Variants in THSD4 observed in about 807,000 individuals in gnomAD.
THSD4 encodes thrombospondin type 1 domain containing 4, also known as thrombospondin type-1 domain-containing protein 4.
THSD4 carries 69 observed loss-of-function variants against 119.0 expected under a neutral mutation model. The observed-to-expected ratio is 0.58, with a 90% CI of 0.48 to 0.71. The LOEUF (loss-of-function observed/expected upper bound fraction) is 0.71, where lower values mean the gene tolerates loss of function less well. Among genes scored for constraint, THSD4 ranks in the 30% least tolerant of loss-of-function variants. The pLI is 0.00. For missense variants in THSD4, 1,393 were observed against 1,391.1 expected, an observed-to-expected ratio of 1.00 and a Z score of -0.02; for synonymous variants, 524 against 540.4, an observed-to-expected ratio of 0.97 and a Z score of 0.42.
At chr15:71,461,952 T>C (rs1175861495) in intron 7 of THSD4, among the ~76,000 whole-genome samples, 3 of 152,078 alleles carry the variant, frequency 2.0e-5, no homozygotes, top group African/African-American at 7.2e-5. Context: ...GTGGCCAAGA[T>C]TGGCTGGCAT....
intron 1 of THSD4, among the ~76,000 whole-genome samples, chr15:71,116,348 G>C (rs576124341): frequency 6.6e-6 from 1 of 152,372 alleles, no homozygotes; most frequent in East Asian, 1.9e-4. Context: ...TGCACAGCGA[G>C]CTCACCTTGG....
At chr15:71,518,223 T>C (rs1294823871) in intron 7 of THSD4, among the ~76,000 whole-genome samples, 3 of 152,026 alleles carry the variant, frequency 2.0e-5, no homozygotes, top group Admixed American at 6.6e-5. Context: ...CCCCACCCCT[T>C]CCAAATGTAC....
At chr15:71,164,363 C>T (rs911478825) in intron 3 of THSD4, among the ~76,000 whole-genome samples, 2 of 144,274 alleles carry the variant, frequency 1.4e-5, no homozygotes, top group African/African-American at 5.2e-5. Context: ...AAAACAGCTG[C>T]AACTTTTTTT....
At chr15:71,523,874 G>A (rs1288821517) in intron 7 of THSD4, among the ~76,000 whole-genome samples, 2 of 150,414 alleles carry the variant, frequency 1.3e-5, no homozygotes, top group African/African-American at 4.9e-5. Context: ...TAGCTATTGT[G>A]TGAGGGGAAA....
chr15:71,379,448 T>C (rs1163099092), intron 6 of THSD4, among the ~76,000 whole-genome samples: 1 of 126,688 alleles, frequency 7.9e-6, no homozygotes, highest in African/African-American at 2.8e-5. Context: ...AGCAAATGGC[T>C]TCTTTTTTTT....
intron 7 of THSD4, among the ~76,000 whole-genome samples, chr15:71,645,084 A>G (rs745452774): frequency 1.6e-4 from 25 of 152,136 alleles, no homozygotes; most frequent in Non-Finnish European, 2.9e-4. Flanking sequence ...TCAATCATAT[A>G]CAGAATACAG....
intron 6 of THSD4, among the ~76,000 whole-genome samples, chr15:71,377,784 T>C (rs1265315777): frequency 2.0e-5 from 3 of 151,894 alleles, no homozygotes; most frequent in Non-Finnish European, 4.4e-5. Context: ...CTTTGTGATA[T>C]ACAGAAGTCA....
intron 7 of THSD4, among the ~76,000 whole-genome samples, chr15:71,428,874 C>T (rs928556258): frequency 2.6e-5 from 4 of 152,262 alleles, no homozygotes; most frequent in Admixed American, 2.0e-4. Context: ...CATACAGGAG[C>T]GTTTTACAGA....
chr15:71,658,558 G>A (rs2051235540), intron 7 of THSD4, among the ~76,000 whole-genome samples: 1 of 152,250 alleles, frequency 6.6e-6, no homozygotes, highest in African/African-American at 2.4e-5. Flanking sequence ...TTGATAACAT[G>A]GGTTCTACTA....
At chr15:71,511,759 C>CG (rs2048286711) in intron 7 of THSD4, among the ~76,000 whole-genome samples, 1 of 152,110 alleles carries the variant, frequency 6.6e-6, no homozygotes, top group African/African-American at 2.4e-5. Flanking sequence ...GGTTCAGATG[C>CG]CAGCGCACCT....
chr15:71,443,903 G>A (rs2047145133), intron 7 of THSD4, among the ~76,000 whole-genome samples: 1 of 152,188 alleles, frequency 6.6e-6, no homozygotes, highest in South Asian at 2.1e-4. Context: ...TTTAAGAAAG[G>A]CCCTGAGGCA....
intron 6 of THSD4, among the ~76,000 whole-genome samples, chr15:71,277,451 C>G (rs1455880967): frequency 6.6e-6 from 1 of 152,052 alleles, no homozygotes; most frequent in Non-Finnish European, 1.5e-5. Flanking sequence ...GTTTCCAAAC[C>G]CAGCTGCCTT....
At position 71,451,874 on chromosome 15, in the gene THSD4, G is replaced by A. The variant is rs192517993; in HGVS notation, c.1152+40051G>A. On this transcript the variant is annotated intron_variant, in intron 7 of 17. Transcript: ENST00000261862. ...CCCCATTGTTCTTCTCTGCTGGTTCGTGCTGACCAGTGGAGCTGCACTTCG... is the reference window on the plus strand; with the variant it reads ...CCCCATTGTTCTTCTCTGCTGGTTCATGCTGACCAGTGGAGCTGCACTTCG... Among the ~76,000 whole-genome samples, 18 of 152,248 alleles carry A rather than the reference G, an allele frequency of 1.2e-4. No homozygotes were observed. The East Asian group carries it at 1.9e-3, about 16-fold the overall frequency.
chr15:71,237,968 G>A (rs544018830), intron 4 of THSD4, among the ~76,000 whole-genome samples: 3 of 152,234 alleles, frequency 2.0e-5, no homozygotes, highest in South Asian at 2.1e-4. Context: ...TTTCCCAGAC[G>A]CCCGTTGGAT....
chr15:71,536,689 G>GT (rs1159137945), intron 7 of THSD4, among the ~76,000 whole-genome samples: 1 of 152,012 alleles, frequency 6.6e-6, no homozygotes, highest in Non-Finnish European at 1.5e-5. Flanking sequence ...ATTCACTTAT[G>GT]TATTATAAGA....
At chr15:71,137,530 T>C (rs1245972600) in intron 1 of THSD4, among the ~76,000 whole-genome samples, 4 of 152,216 alleles carry the variant, frequency 2.6e-5, no homozygotes, top group Non-Finnish European at 5.9e-5. Flanking sequence ...TTTTTTTCTC[T>C]TATCTTTCAT....
At chr15:71,270,183 C>T (rs565003710) in intron 6 of THSD4, among the ~76,000 whole-genome samples, 58 of 152,206 alleles carry the variant, frequency 3.8e-4, no homozygotes, top group Non-Finnish European at 7.2e-4. Flanking sequence ...AGGCATCACA[C>T]TACCTGACTT....
intron 6 of THSD4, among the ~76,000 whole-genome samples, chr15:71,317,425 C>T (rs1282447642): frequency 6.6e-6 from 1 of 152,198 alleles, no homozygotes; most frequent in Non-Finnish European, 1.5e-5. Context: ...GGAGCAGAGG[C>T]ATGTCTTACA....
chr15:71,576,081 G>A (rs2049443267), intron 7 of THSD4, among the ~76,000 whole-genome samples: 1 of 148,442 alleles, frequency 6.7e-6, no homozygotes, highest in African/African-American at 2.5e-5. Flanking sequence ...AGGATAGTAA[G>A]AGTTAGATAG....
Sources: gnomAD v4.1 joint callset for allele counts (sites outside exome capture counted in the v4.1 genomes callset) on GRCh38, gnomAD v4.1.1 for gene constraint, MANE v1.5 for transcripts, NCBI Gene and HGNC (gene_info 2026-07-23, HGNC 2026-07-21) for gene names.